The following CXCL13 variants were observed in gnomAD, a reference collection of about 807,000 sequenced individuals.
The protein encoded by CXCL13 is C-X-C motif chemokine ligand 13, also known as C-X-C motif chemokine 13.
Under a neutral mutation model 12.2 loss-of-function variants are expected in CXCL13, and 7 were observed. The ratio of observed to expected loss-of-function variants is 0.57; its 90% confidence interval spans 0.33 to 1.07. CXCL13 has a LOEUF of 1.07. Among genes scored for constraint, CXCL13 ranks in the 50% least tolerant of loss-of-function variants. The pLI, the probability that CXCL13 is intolerant of heterozygous loss-of-function variation, is 0.04. For missense variants in CXCL13, 113 were observed against 127.4 expected (o/e 0.89, Z 0.55); for synonymous variants, 47 against 42.4 (o/e 1.11, Z -0.42).
chr4:77,551,063 C>T (rs546245753), intron 1 of CXCL13, among the ~76,000 whole-genome samples: 3 of 152,232 alleles, frequency 2.0e-5, no homozygotes, highest in Admixed American at 6.5e-5. Flanking sequence ...CACTTGGGTC[C>T]TGTATTTTTA....
rs79426594 is a variant in CXCL13, at chr4:77,537,193, G to A, written c.-43+25405G>A. Among the ~76,000 whole-genome samples, 665 of 152,304 alleles carry A rather than the reference G, an allele frequency of 4.4e-3. 16 individuals carry two copies. Among genetic ancestry groups the A allele is most frequent in the East Asian group, 0.026 (136 of 5,182 alleles). The stretch of plus-strand genomic sequence containing the variant: ...TGCAAGGGATAGTTTATTACTCTGG[G>A]ACTGGCAGCTATAAGAGTACTACTG... On this transcript the variant is annotated intron_variant, in intron 1 of 4. Coordinates refer to the CXCL13 transcript ENST00000286758.
intron 1 of CXCL13, among the ~76,000 whole-genome samples, chr4:77,524,886 A>C (rs1724721774): frequency 6.6e-6 from 1 of 152,206 alleles, no homozygotes; most frequent in Admixed American, 6.5e-5. Context: ...ATTCTTATAT[A>C]CCTCAATCAT....
intron 1 of CXCL13, among the ~76,000 whole-genome samples, chr4:77,550,502 C>T (rs1725488936): frequency 6.6e-6 from 1 of 152,144 alleles, no homozygotes; most frequent in African/African-American, 2.4e-5. Flanking sequence ...TCCCAATTTC[C>T]CTTTTTTTAA....
intron 1 of CXCL13, among the ~76,000 whole-genome samples, chr4:77,555,330 T>C (rs1239523865): frequency 6.6e-6 from 1 of 152,016 alleles, no homozygotes; most frequent in Non-Finnish European, 1.5e-5. Flanking sequence ...TTGAAAGACA[T>C]AAGCTACCAA....
At chr4:77,567,728 A>T (rs1194745333) in intron 1 of CXCL13, among the ~76,000 whole-genome samples, 1 of 152,110 alleles carries the variant, frequency 6.6e-6, no homozygotes, top group Non-Finnish European at 1.5e-5. Flanking sequence ...AGACACTCCC[A>T]CCAGCACCAT....
intron 1 of CXCL13, among the ~76,000 whole-genome samples, chr4:77,596,785 CAAAA>C (rs1024280441): frequency 1.5e-5 from 1 of 64,768 alleles, no homozygotes; most frequent in Admixed American, 1.7e-4. Flanking sequence ...GACTCTGTCT[CAAAA>C]AAAAAAAAAA....
At chr4:77,544,621 A>T (rs968342293) in intron 1 of CXCL13, among the ~76,000 whole-genome samples, 2 of 152,008 alleles carry the variant, frequency 1.3e-5, no homozygotes, top group Non-Finnish European at 2.9e-5. Context: ...AATTTGTTTG[A>T]GTTCTTTGTA....
intron 1 of CXCL13, among the ~76,000 whole-genome samples, chr4:77,541,905 G>C (rs1310083378): frequency 1.3e-5 from 2 of 152,042 alleles, no homozygotes; most frequent in Non-Finnish European, 2.9e-5. Flanking sequence ...GTGTTTTCTA[G>C]TTCTCCTTGT....
At chr4:77,608,751 A>G (rs1386470867) in intron 2 of CXCL13, among the ~76,000 whole-genome samples, 1 of 152,238 alleles carries the variant, frequency 6.6e-6, no homozygotes, top group African/African-American at 2.4e-5. Flanking sequence ...TAACGTCTTT[A>G]ACAATAATGT....
At chr4:77,564,933 C>T (rs537387792) in intron 1 of CXCL13, among the ~76,000 whole-genome samples, 2 of 152,316 alleles carry the variant, frequency 1.3e-5, no homozygotes, top group African/African-American at 4.8e-5. Flanking sequence ...CAAACATAAA[C>T]ATCCACAGAC....
chr4:77,580,877 G>A (rs1384828728), intron 1 of CXCL13, among the ~76,000 whole-genome samples: 1 of 144,530 alleles, frequency 6.9e-6, no homozygotes, highest in Non-Finnish European at 1.5e-5. Flanking sequence ...CTCCTGTGAT[G>A]AGACCCCCTG....
chr4:77,540,849 A>T (rs1387401484), intron 1 of CXCL13, among the ~76,000 whole-genome samples: 1 of 152,178 alleles, frequency 6.6e-6, no homozygotes, highest in Non-Finnish European at 1.5e-5. Flanking sequence ...CTTTCCACAG[A>T]GGCTGCACTA....
intron 1 of CXCL13, among the ~76,000 whole-genome samples, chr4:77,557,342 C>A (rs1725683294): frequency 1.3e-5 from 2 of 152,170 alleles, no homozygotes; most frequent in Non-Finnish European, 2.9e-5. Context: ...TGTACACTTG[C>A]AAGGCTGCTG....
At chr4:77,541,386 TCTTAC>T (rs1234765735) in intron 1 of CXCL13, among the ~76,000 whole-genome samples, 1 of 151,946 alleles carries the variant, frequency 6.6e-6, no homozygotes, top group Non-Finnish European at 1.5e-5. Context: ...TAATTTGGGG[TCTTAC>T]ATTTAAATCT....
At chr4:77,568,217 A>G (rs1725982782) in intron 1 of CXCL13, among the ~76,000 whole-genome samples, 1 of 152,138 alleles carries the variant, frequency 6.6e-6, no homozygotes, top group Non-Finnish European at 1.5e-5. Context: ...TCAACTCACT[A>G]TCCTTTTTTA....
rs1298705229 is a variant in CXCL13 at position 77,539,447 on chromosome 4, G to A, written c.-43+27659G>A. Reference sequence around the variant, plus strand: ...TGGCCCCAGTTTGACCTTTTGACTTGAGGTTTTATACATTAGTGTACTTCC... The same window carrying A: ...TGGCCCCAGTTTGACCTTTTGACTTAAGGTTTTATACATTAGTGTACTTCC... On this transcript the variant is annotated intron_variant, in intron 1 of 4. Coordinates refer to the CXCL13 transcript ENST00000286758. Among the ~76,000 whole-genome samples the A allele has an allele frequency of 2.0e-5, 3 of 152,264 alleles. No homozygotes were observed. The East Asian group carries it at 5.8e-4, about 29-fold the overall frequency.
At chr4:77,531,868 C>A (rs987419933) in intron 1 of CXCL13, among the ~76,000 whole-genome samples, 3 of 152,106 alleles carry the variant, frequency 2.0e-5, no homozygotes, top group African/African-American at 4.8e-5. Flanking sequence ...AGGATTGCAA[C>A]CCCTGCCTTT....
chr4:77,517,718 G>A (rs1323607408), intron 1 of CXCL13, among the ~76,000 whole-genome samples: 2 of 152,112 alleles, frequency 1.3e-5, no homozygotes, highest in Non-Finnish European at 1.5e-5. Flanking sequence ...TGTGAGATGG[G>A]TTTCCCGAAT....
chr4:77,540,159 A>G (rs1417034355), intron 1 of CXCL13, among the ~76,000 whole-genome samples: 1 of 152,208 alleles, frequency 6.6e-6, no homozygotes, highest in Non-Finnish European at 1.5e-5. Context: ...AAGGTATCTA[A>G]TAATAGTACA....
Sources: gnomAD v4.1 joint callset for allele counts (sites outside exome capture counted in the v4.1 genomes callset) on GRCh38, gnomAD v4.1.1 for gene constraint, MANE v1.5 for transcripts, NCBI Gene and HGNC (gene_info 2026-07-23, HGNC 2026-07-21) for gene names.